The following EVI5 variants were observed in gnomAD, a reference collection of about 807,000 sequenced individuals.
The protein encoded by EVI5 is ecotropic viral integration site 5 protein homolog.
EVI5 carries 73 observed loss-of-function variants against 112.0 expected under a neutral mutation model. The observed-to-expected ratio is 0.65, with a 90% CI of 0.54 to 0.79. The LOEUF (loss-of-function observed/expected upper bound fraction) is 0.79. EVI5 is among the 30% of genes least tolerant of loss of function. The pLI is 0.00. For missense variants in EVI5, 900 were observed against 968.8 expected (o/e 0.93, Z 0.94); for synonymous variants, 305 against 319.9 (o/e 0.95, Z 0.50).
chr1:92,627,973 A>G (rs1173895027), intron 14 of EVI5, among the ~76,000 whole-genome samples: 1 of 151,948 alleles, frequency 6.6e-6, no homozygotes, highest in Admixed American at 6.6e-5. Context: ...TATTTTTAGT[A>G]GAGACAAGGT....
chr1:92,560,025 G>A (rs1010669057), intron 19 of EVI5, among the ~76,000 whole-genome samples: 4 of 152,088 alleles, frequency 2.6e-5, no homozygotes, highest in African/African-American at 7.2e-5. Context: ...AAGAAAGACT[G>A]ACAATTCCAC....
Position 92,695,443 on chromosome 1 carries a change from G to C in EVI5, c.776C>G (p.Pro259Arg), listed in dbSNP as rs201771445. The C allele has an allele frequency of 1.3e-6, 2 of 1,597,452 alleles. No homozygotes were observed. Among genetic ancestry groups the C allele is most frequent in the Non-Finnish European group, 1.7e-6 (2 of 1,168,506 alleles). ...QFECMIQEHL[P>R]ELFVHFQSQS... is the part of the protein sequence containing the mutation. ...AGATTGAAAATGTACAAAGAGCTCT[G>C]GAAGATGCTCCTAAAGAGAAGAAAA... is the stretch of plus-strand genomic sequence containing the variant. Residue 259 changes from proline to arginine, a missense_variant, in exon 7 of 20, where the codon CCA becomes CGA. Physicochemically the swap from Pro to Arg is moderately radical, Grantham distance 103. Transcript: ENST00000684568.
intron 13 of EVI5, among the ~76,000 whole-genome samples, chr1:92,656,113 A>G (rs1342614827): frequency 1.3e-5 from 2 of 152,148 alleles, no homozygotes; most frequent in Non-Finnish European, 2.9e-5. Context: ...TCATCAGCAC[A>G]TGAAATGTTC....
At chr1:92,726,438 CCTATTAAATAGAATT>C (rs1675581113) in intron 2 of EVI5, among the ~76,000 whole-genome samples, 1 of 152,036 alleles carries the variant, frequency 6.6e-6, no homozygotes, top group African/African-American at 2.4e-5. Context: ...AAACTGTCAA[CCTATTAAATAGAATT>C]CTATAGTCAA....
chr1:92,578,378 C>T (rs1363524234), intron 18 of EVI5, among the ~76,000 whole-genome samples: 1 of 151,962 alleles, frequency 6.6e-6, no homozygotes, highest in Non-Finnish European at 1.5e-5. Context: ...TGTGTGTATC[C>T]TCATAGGTGG....
intron 16 of EVI5, among the ~76,000 whole-genome samples, chr1:92,621,275 A>G (rs1326993772): frequency 6.6e-6 from 1 of 152,178 alleles, no homozygotes; most frequent in African/African-American, 2.4e-5. Context: ...ACCAAACTTG[A>G]CAGCAAAAGA....
At chr1:92,713,997 C>G in intron 2 of EVI5, 1 of 979,362 alleles carries the variant, frequency 1.0e-6, no homozygotes, top group Non-Finnish European at 1.2e-6. Context: ...TGAGACTTAC[C>G]TCCATAAATT....
chr1:92,690,032 G>A (rs529135969), intron 9 of EVI5, among the ~76,000 whole-genome samples: 1 of 151,950 alleles, frequency 6.6e-6, no homozygotes, highest in African/African-American at 2.4e-5. Context: ...AGGACTACAG[G>A]CACCTGGTTA....
chr1:92,784,121 T>G (rs1685279293), intron 1 of EVI5: 1 of 169,500 alleles, frequency 5.9e-6, no homozygotes, highest in Admixed American at 6.6e-5. Context: ...TCCAAAAGGC[T>G]TGGTTTAACT....
intron 3 of EVI5, 64 bp downstream of exon 3, chr1:92,704,491 C>A: frequency 9.5e-7 from 1 of 1,050,366 alleles, no homozygotes; most frequent in Non-Finnish European, 1.4e-6. Flanking sequence ...TCCCAATCCT[C>A]TATTAAGTTA....
intron 18 of EVI5, 139 bp downstream of exon 18, chr1:92,605,165 TACC>T (rs1650084669): frequency 4.7e-6 from 3 of 633,950 alleles, no homozygotes; most frequent in South Asian, 2.0e-5. Flanking sequence ...ATGTCTATTT[TACC>T]ACAATAAAAA....
At chr1:92,634,983 G>A (rs1658426948) in intron 14 of EVI5, among the ~76,000 whole-genome samples, 1 of 152,220 alleles carries the variant, frequency 6.6e-6, no homozygotes, top group Admixed American at 6.5e-5. Flanking sequence ...AGCGGAGGCT[G>A]CAGAACAGCA....
chr1:92,768,731 CG>C (rs1357005266), intron 1 of EVI5, among the ~76,000 whole-genome samples: 2 of 151,992 alleles, frequency 1.3e-5, no homozygotes, highest in Admixed American at 6.6e-5. Context: ...AAAAAGTAGC[CG>C]GGTGTGGCAG....
chr1:92,682,158 T>C (rs1051843056), intron 9 of EVI5, among the ~76,000 whole-genome samples: 1 of 152,136 alleles, frequency 6.6e-6, no homozygotes, highest in African/African-American at 2.4e-5. Context: ...CATTCTTGCC[T>C]CAGTCTTTAC....
At chr1:92,564,875 T>G (rs1669191603) in intron 18 of EVI5, among the ~76,000 whole-genome samples, 1 of 152,084 alleles carries the variant, frequency 6.6e-6, no homozygotes, top group Non-Finnish European at 1.5e-5. Context: ...AGACAGGGTT[T>G]TGCCATGTTG....
At chr1:92,693,593 G>A (rs944529671) in intron 9 of EVI5, among the ~76,000 whole-genome samples, 9 of 151,960 alleles carry the variant, frequency 5.9e-5, no homozygotes, top group African/African-American at 1.2e-4. Context: ...TCTAGTCAAC[G>A]TGGAAAAGGA....
At chr1:92,682,911 C>T (rs886649242) in intron 9 of EVI5, among the ~76,000 whole-genome samples, 17 of 152,098 alleles carry the variant, frequency 1.1e-4, no homozygotes, top group Admixed American at 9.8e-4. Flanking sequence ...TTAAAGACTT[C>T]TAAATTTTGT....
intron 9 of EVI5, among the ~76,000 whole-genome samples, chr1:92,687,075 T>C (rs1337128934): frequency 6.6e-6 from 1 of 152,196 alleles, no homozygotes; most frequent in Admixed American, 6.6e-5. Context: ...AGAGCCCACA[T>C]TGCCGAAACA....
chr1:92,781,273 G>A (rs542939735), intron 1 of EVI5, among the ~76,000 whole-genome samples: 18 of 152,230 alleles, frequency 1.2e-4, no homozygotes, highest in Admixed American at 4.6e-4. Context: ...TTGGGAAGCC[G>A]AAGAGGGCAG....
Sources: allele counts gnomAD v4.1 joint callset (sites outside exome capture counted in the v4.1 genomes callset), GRCh38; gene constraint gnomAD v4.1.1; transcripts MANE v1.5; gene names NCBI Gene and HGNC (gene_info 2026-07-23, HGNC 2026-07-21).